AHCY: variants seen among roughly 807,000 people sequenced by gnomAD.
AHCY encodes the protein adenosylhomocysteinase.
In AHCY, 24 loss-of-function variants were observed where a neutral mutation model predicts 45.4. The observed-to-expected ratio is 0.53, with a 90% CI of 0.38 to 0.74. The LOEUF (loss-of-function observed/expected upper bound fraction) is 0.74. Among genes scored for constraint, AHCY ranks in the 30% least tolerant of loss-of-function variants. AHCY has a pLI of 0.00. For missense variants in AHCY, 449 were observed against 594.1 expected, an observed-to-expected ratio of 0.76 and a Z score of 2.54; for synonymous variants, 245 against 235.1, an observed-to-expected ratio of 1.04 and a Z score of -0.39.
chr20:34,292,355 C>T lies in AHCY; in HGVS notation c.445+3G>A. On this transcript the variant is annotated splice_donor_region_variant and intron_variant, in intron 4 of 9. Transcript: ENST00000217426. ...CCCAGCCCACCTGCCCCGCCCTGCT[C>T]ACCTGGCAGAAGCTGCGGGTACTTG... 1 of 1,612,736 alleles carries T rather than the reference C, an allele frequency of 6.2e-7. No individual in the cohort carries two copies. The highest frequency in any genetic ancestry group is 8.5e-7 in the Non-Finnish European group (1 of 1,179,846).
chr20:34,245,777 C>T, the AHCY span, among the ~76,000 whole-genome samples: 1 of 151,808 alleles, frequency 6.6e-6, no homozygotes, highest in Non-Finnish European at 1.5e-5. Flanking sequence ...ATTAAAAAAA[C>T]AAGCAACCTT....
chr20:34,296,111 G>A (rs760783120), intron 1 of AHCY, among the ~76,000 whole-genome samples: 1 of 152,182 alleles, frequency 6.6e-6, no homozygotes, highest in South Asian at 2.1e-4. Flanking sequence ...TCCACCTGGA[G>A]GAACTCATCC....
chr20:34,298,855 G>C (rs1465262278), intron 1 of AHCY, among the ~76,000 whole-genome samples: 2 of 152,104 alleles, frequency 1.3e-5, no homozygotes, highest in East Asian at 3.9e-4. Context: ...CTGATATGCA[G>C]AAATAATTGC....
chr20:34,281,137 A>C lies in AHCY; in HGVS notation c.1196T>G (p.Leu399Arg). Residue 399 changes from leucine (L) to arginine (R), a missense_variant, in exon 10 of 10, where the codon CTG (leucine) becomes CGG (arginine). Coordinates refer to ENST00000217426, the MANE Select transcript of AHCY (RefSeq NM_000687.4). ...GGTCAACTTCACATTCAGCTTGCCCAGGTGGGCTTCAGCCACTGCCTCATC... is the reference window on the plus strand; with the variant it reads ...GGTCAACTTCACATTCAGCTTGCCCCGGTGGGCTTCAGCCACTGCCTCATC... Reference protein sequence around the residue: ...KLDEAVAEAHLGKLNVKLTKL... With the variant: ...KLDEAVAEAHRGKLNVKLTKL... 6.2e-7 allele frequency: 1 copy of C among 1,613,716 alleles called. No homozygotes were observed.
intron 4 of AHCY, 96 bp downstream of exon 4, chr20:34,292,262 G>A (rs2036420213): frequency 6.9e-7 from 1 of 1,446,780 alleles, no homozygotes; most frequent in African/African-American, 1.4e-5. Context: ...TGCTGCTTGA[G>A]GTGATGGGAG....
chr20:34,279,120 A>G (rs1211592325), downstream of AHCY, among the ~76,000 whole-genome samples: 1 of 145,860 alleles, frequency 6.9e-6, no homozygotes, highest in Non-Finnish European at 1.5e-5. Flanking sequence ...AAAAAAAAAA[A>G]AAAAAAAAAA....
At chr20:34,235,877 G>A in the AHCY span, among the ~76,000 whole-genome samples, 1 of 105,232 alleles carries the variant, frequency 9.5e-6, no homozygotes, top group Non-Finnish European at 1.8e-5. Context: ...AAGGAAGGAA[G>A]GAAGGAAGGA....
chr20:34,257,754 A>G, the AHCY span, among the ~76,000 whole-genome samples: 17 of 152,358 alleles, frequency 1.1e-4, no homozygotes, highest in African/African-American at 4.1e-4. Flanking sequence ...ATTAGGACCC[A>G]GTCCTGTACT....
chr20:34,238,891 C>T, the AHCY span, among the ~76,000 whole-genome samples: 1 of 152,152 alleles, frequency 6.6e-6, no homozygotes, highest in Non-Finnish European at 1.5e-5. Flanking sequence ...ACTTTGCCAT[C>T]CAAGCCTTCA....
the AHCY span, chr20:34,249,903 GA>G: frequency 1.3e-5 from 2 of 152,218 alleles, no homozygotes; most frequent in Non-Finnish European, 2.9e-5. Flanking sequence ...TCAAGGTCAA[GA>G]ATTCCCTCTT....
At chr20:34,240,102 G>A in the AHCY span, among the ~76,000 whole-genome samples, 1 of 152,134 alleles carries the variant, frequency 6.6e-6, no homozygotes, top group African/African-American at 2.4e-5. Flanking sequence ...GTTCTATACT[G>A]TTTTGAAAGA....
chr20:34,308,378 G>A (rs143984196), intron 1 of AHCY, among the ~76,000 whole-genome samples: 24 of 152,128 alleles, frequency 1.6e-4, no homozygotes, highest in African/African-American at 4.8e-4. Flanking sequence ...TGGCAAAACC[G>A]CATCTCTACT....
intron 3 of AHCY, chr20:34,293,648 C>G (rs1294312189): frequency 3.0e-6 from 1 of 338,126 alleles, no homozygotes; most frequent in African/African-American, 2.1e-5. Flanking sequence ...TCCCCAAGTC[C>G]AAGCAGACAT....
chr20:34,262,576 G>A, the AHCY span, among the ~76,000 whole-genome samples: 2 of 152,224 alleles, frequency 1.3e-5, no homozygotes, highest in African/African-American at 4.8e-5. Context: ...GAGTGTCACA[G>A]GCAGATCCCA....
At chr20:34,242,714 T>C in the AHCY span, among the ~76,000 whole-genome samples, 1 of 152,278 alleles carries the variant, frequency 6.6e-6, no homozygotes, top group Non-Finnish European at 1.5e-5. Flanking sequence ...CAGCTATATC[T>C]CCTTGGTTCT....
At chr20:34,294,793 G>C (rs1601669045) in intron 2 of AHCY, among the ~76,000 whole-genome samples, 1 of 152,148 alleles carries the variant, frequency 6.6e-6, no homozygotes, top group African/African-American at 2.4e-5. Flanking sequence ...GTCCAGGCTA[G>C]TACAAAAATG....
the AHCY span, among the ~76,000 whole-genome samples, chr20:34,259,382 G>C: frequency 6.6e-6 from 1 of 151,566 alleles, no homozygotes; most frequent in Non-Finnish European, 1.5e-5. Context: ...GTGTGGTGGT[G>C]GGCACCTGTA....
chr20:34,290,630 C>A lies in AHCY; in HGVS notation c.775G>T (p.Val259Leu). 6.2e-7 allele frequency: 1 copy of A among 1,614,196 alleles called. No homozygotes were observed. The highest frequency in any genetic ancestry group is 8.5e-7 in the Non-Finnish European group (1 of 1,180,040). The change falls in exon 7 of 10, where the codon GTG (valine) becomes TTG (leucine). Residue 259 changes from valine to leucine, a missense_variant. Transcript: ENST00000217426. The surrounding 1 kb of genome is among the most constrained non-coding windows in gnomAD (Gnocchi z 4.5). ...TGACAGGCCTCATCCATGGTGGTCA[C>A]CTCATAGCCTGTGCAGAGACAGTGG... ...ALQAAMEGYEVTTMDEACQEG... is the reference protein window; with the variant it reads ...ALQAAMEGYELTTMDEACQEG...
At chr20:34,295,614 T>A in intron 1 of AHCY, 29 bp from the exon 2 acceptor site, 4 of 1,609,568 alleles carry the variant, frequency 2.5e-6, no homozygotes, top group Non-Finnish European at 3.4e-6. Flanking sequence ...GGGAGTTCCG[T>A]GAGTCCCCTC....
Sources: gnomAD v4.1 joint callset for allele counts (sites outside exome capture counted in the v4.1 genomes callset) on GRCh38, gnomAD v4.1.1 for gene constraint, Gnocchi (gnomAD v3.1) non-coding constraint, MANE v1.5 for transcripts, NCBI Gene and HGNC (gene_info 2026-07-23, HGNC 2026-07-21) for gene names.